RPS6KC1: variants seen among roughly 807,000 people sequenced by gnomAD.
The protein encoded by RPS6KC1 is ribosomal protein S6 kinase C1, also known as inactive ribosomal protein S6 kinase delta-1.
Under a neutral mutation model 103.8 loss-of-function variants are expected in RPS6KC1, and 54 were observed. The ratio of observed to expected loss-of-function variants is 0.52; its 90% confidence interval spans 0.42 to 0.65. The LOEUF is 0.65. Among genes scored for constraint, RPS6KC1 ranks in the 30% least tolerant of loss-of-function variants. RPS6KC1 has a pLI of 0.00. For missense variants in RPS6KC1, 1,151 were observed against 1,253.8 expected (o/e 0.92, Z 1.24); for synonymous variants, 439 against 438.7 (o/e 1.00, Z -0.01).
At chr1:213,145,967 GTTTTTTTTTTTT>G (rs71573864) in intron 6 of RPS6KC1, among the ~76,000 whole-genome samples, 5 of 47,834 alleles carry the variant, frequency 1.0e-4, no homozygotes, top group East Asian at 7.0e-4. Flanking sequence ...CATTCATTCT[GTTTTTTTTTTTT>G]TTTTTTTTTT....
chr1:213,474,072 T>G, the RPS6KC1 span, among the ~76,000 whole-genome samples: 1 of 152,182 alleles, frequency 6.6e-6, no homozygotes, highest in African/African-American at 2.4e-5. Flanking sequence ...AAGCTGGTCT[T>G]CTAGGCTGCG....
the RPS6KC1 span, among the ~76,000 whole-genome samples, chr1:213,585,735 C>T: frequency 4.6e-5 from 7 of 152,164 alleles, no homozygotes. Context: ...CTCCCTACTC[C>T]AGGAGACTGT....
intron 8 of RPS6KC1, among the ~76,000 whole-genome samples, chr1:213,227,121 G>A (rs1363427170): frequency 1.3e-5 from 2 of 152,176 alleles, no homozygotes; most frequent in South Asian, 2.1e-4. Flanking sequence ...TTGGATTGTT[G>A]AGAGAATTAC....
At chr1:213,272,155 A>G (rs1473164423) in intron 14 of RPS6KC1, among the ~76,000 whole-genome samples, 1 of 152,224 alleles carries the variant, frequency 6.6e-6, no homozygotes, top group African/African-American at 2.4e-5. Flanking sequence ...TCTAATCATG[A>G]AGGAAGTAAC....
At chr1:213,359,853 A>G in the RPS6KC1 span, among the ~76,000 whole-genome samples, 1 of 152,154 alleles carries the variant, frequency 6.6e-6, no homozygotes, top group East Asian at 1.9e-4. Context: ...TGGGTTGAAA[A>G]TTCTTTCCTT....
In RPS6KC1 at chr1:213,113,693, G is replaced by C. The variant is rs139275398; in HGVS notation, c.379-3624G>C. Among the ~76,000 whole-genome samples the C allele has an allele frequency of 2.0e-3, 303 of 151,504 alleles. 1 individual carries two copies. The highest frequency in any genetic ancestry group is 6.8e-3 in the Middle Eastern group (2 of 294). On this transcript the variant is annotated intron_variant, in intron 4 of 14. Transcript: ENST00000366960. The stretch of plus-strand genomic sequence containing the variant: ...TCTTCTAGGGTTTTGATGGTTTTAG[G>C]TCTAACGTTTAAGTCTTTAATCCAT...
chr1:213,129,457 T>C (rs758511305), intron 5 of RPS6KC1, 70 bp from the exon 6 acceptor site: 82 of 1,437,328 alleles, frequency 5.7e-5, no homozygotes, highest in Middle Eastern at 5.5e-4. Flanking sequence ...AATGAATAAT[T>C]AGCATGATTT....
the RPS6KC1 span, among the ~76,000 whole-genome samples, chr1:213,641,844 A>G: frequency 4.6e-5 from 7 of 150,998 alleles, no homozygotes; most frequent in Non-Finnish European, 1.5e-5. Context: ...AAATAAATAA[A>G]TAAATAAAGC....
chr1:213,684,395 G>A, the RPS6KC1 span, among the ~76,000 whole-genome samples: 4 of 152,108 alleles, frequency 2.6e-5, no homozygotes, highest in Non-Finnish European at 4.4e-5. Context: ...GAATTAGAAC[G>A]ACTCTGTGTC....
At chr1:213,817,554 C>T in the RPS6KC1 span, among the ~76,000 whole-genome samples, 1 of 152,154 alleles carries the variant, frequency 6.6e-6, no homozygotes, top group Non-Finnish European at 1.5e-5. Flanking sequence ...TACGGACACT[C>T]CTTCAGAGGG....
chr1:213,340,832 C>CA, the RPS6KC1 span, among the ~76,000 whole-genome samples: 19,469 of 152,270 alleles, frequency 0.13, 1,869 homozygotes, highest in African/African-American at 0.27. Context: ...GATGTGAGGG[C>CA]AGGCGGGGCC....
the RPS6KC1 span, among the ~76,000 whole-genome samples, chr1:213,398,787 T>G: frequency 6.6e-6 from 1 of 152,172 alleles, no homozygotes; most frequent in African/African-American, 2.4e-5. Flanking sequence ...CCTCACTTAT[T>G]TTTCCTAATC....
the RPS6KC1 span, among the ~76,000 whole-genome samples, chr1:213,675,356 A>G: frequency 6.6e-6 from 1 of 152,120 alleles, no homozygotes; most frequent in Non-Finnish European, 1.5e-5. Context: ...TTGTGTCCAG[A>G]ATGGTGTTTC....
the RPS6KC1 span, among the ~76,000 whole-genome samples, chr1:213,628,517 T>C: frequency 8.9e-3 from 1,360 of 152,282 alleles, 20 homozygotes; most frequent in African/African-American, 0.031. Flanking sequence ...AGGGTACATA[T>C]GCACAGCATG....
the RPS6KC1 span, among the ~76,000 whole-genome samples, chr1:213,447,889 GT>G: frequency 6.6e-6 from 1 of 152,056 alleles, no homozygotes; most frequent in Non-Finnish European, 1.5e-5. Flanking sequence ...TATATTACGT[GT>G]TTTTTTATAA....
intron 8 of RPS6KC1, among the ~76,000 whole-genome samples, chr1:213,210,154 A>G (rs2093465530): frequency 6.6e-6 from 1 of 152,122 alleles, no homozygotes; most frequent in Non-Finnish European, 1.5e-5. Context: ...CCTCCTGAGA[A>G]TGCAGCCCAG....
chr1:213,606,422 T>C, the RPS6KC1 span, among the ~76,000 whole-genome samples: 11 of 152,222 alleles, frequency 7.2e-5, no homozygotes, highest in African/African-American at 2.7e-4. Flanking sequence ...TTCCTGGGTC[T>C]GAAGCAAACT....
the RPS6KC1 span, among the ~76,000 whole-genome samples, chr1:213,791,334 C>T: frequency 1.3e-5 from 2 of 152,042 alleles, no homozygotes; most frequent in South Asian, 2.1e-4. Flanking sequence ...GGGAAGATCT[C>T]GAGCAGAAAA....
At chr1:213,368,530 G>T in the RPS6KC1 span, among the ~76,000 whole-genome samples, 220 of 152,304 alleles carry the variant, frequency 1.4e-3, 3 homozygotes, top group South Asian at 0.015. Context: ...GAGATGGGAA[G>T]GCAGATATTT....
Sources: allele counts gnomAD v4.1 joint callset (sites outside exome capture counted in the v4.1 genomes callset), GRCh38; gene constraint gnomAD v4.1.1; transcripts MANE v1.5; gene names NCBI Gene and HGNC (gene_info 2026-07-23, HGNC 2026-07-21).